RSRC1: variants seen among roughly 807,000 people sequenced by gnomAD.
RSRC1 encodes serine/Arginine-related protein 53.
In RSRC1, 39 loss-of-function variants were observed where a neutral mutation model predicts 49.1. That is an observed-to-expected ratio of 0.79 (90% confidence interval 0.61 to 1.04). The LOEUF is 1.04. Ranked by LOEUF, RSRC1 falls within the 50% of genes least tolerant of loss-of-function variation. The pLI is 0.00. For synonymous variants in RSRC1, 143 were observed against 130.8 expected, an observed-to-expected ratio of 1.09 and a Z score of -0.63; for missense variants, 388 against 402.4, an observed-to-expected ratio of 0.96 and a Z score of 0.31.
chr3:158,512,704 G>T (rs9653954), intron 7 of RSRC1, among the ~76,000 whole-genome samples: 1 of 146,642 alleles, frequency 6.8e-6, no homozygotes, highest in African/African-American at 2.5e-5. Context: ...ATTACCTTGG[G>T]CAGTATGGCC....
chr3:158,200,254 G>A (rs374201015), intron 3 of RSRC1, among the ~76,000 whole-genome samples: 1 of 152,040 alleles, frequency 6.6e-6, no homozygotes, highest in Admixed American at 6.6e-5. Context: ...TAGCCCGGAT[G>A]GTCTCGATCT....
At chr3:158,281,196 G>T (rs1726142329) in intron 4 of RSRC1, among the ~76,000 whole-genome samples, 1 of 152,022 alleles carries the variant, frequency 6.6e-6, no homozygotes, top group South Asian at 2.1e-4. Flanking sequence ...AAAGTGAAGT[G>T]GTTGATTCCC....
intron 6 of RSRC1, among the ~76,000 whole-genome samples, chr3:158,367,012 GA>G (rs1426890211): frequency 6.6e-6 from 1 of 152,186 alleles, no homozygotes; most frequent in Non-Finnish European, 1.5e-5. Context: ...AGACTTTGCT[GA>G]AGTTGTTTAT....
chr3:158,467,431 A>G (rs73172124), intron 7 of RSRC1, among the ~76,000 whole-genome samples: 1,856 of 152,346 alleles, frequency 0.012, 26 homozygotes, highest in Non-Finnish European at 0.02. Context: ...TAAGTATGAT[A>G]ATAATCTATC....
At chr3:158,466,992 G>A (rs1378178507) in intron 7 of RSRC1, among the ~76,000 whole-genome samples, 2 of 152,140 alleles carry the variant, frequency 1.3e-5, no homozygotes, top group South Asian at 2.1e-4. Context: ...CCAGAAGTTC[G>A]AGGTTCCATT....
chr3:158,494,258 A>T (rs1429532292), intron 7 of RSRC1, among the ~76,000 whole-genome samples: 1 of 152,222 alleles, frequency 6.6e-6, no homozygotes, highest in African/African-American at 2.4e-5. Context: ...CTCTGTAGGC[A>T]TTCATAATGC....
chr3:158,296,648 ATAG>A (rs1388380166), intron 4 of RSRC1, among the ~76,000 whole-genome samples: 42 of 152,152 alleles, frequency 2.8e-4, no homozygotes, highest in Non-Finnish European at 4.6e-4. Context: ...ATTTATATAG[ATAG>A]TAGCCTTCTC....
intron 6 of RSRC1, among the ~76,000 whole-genome samples, chr3:158,387,432 T>C (rs758813337): frequency 1.3e-5 from 2 of 152,134 alleles, no homozygotes; most frequent in Non-Finnish European, 2.9e-5. Flanking sequence ...ATCAGTCAAA[T>C]AATAGTGGTA....
chr3:158,129,937 T>C (rs907812780), intron 3 of RSRC1, among the ~76,000 whole-genome samples: 3 of 152,242 alleles, frequency 2.0e-5, no homozygotes, highest in Non-Finnish European at 4.4e-5. Context: ...TGCTTTTCTT[T>C]AGTTTCTCCA....
chr3:158,165,061 A>G (rs1267712763), intron 3 of RSRC1, among the ~76,000 whole-genome samples: 1 of 152,160 alleles, frequency 6.6e-6, no homozygotes, highest in East Asian at 1.9e-4. Context: ...TGCAACCAAA[A>G]TGGCCTCACC....
chr3:158,449,740 T>C (rs1175116178), intron 6 of RSRC1, among the ~76,000 whole-genome samples: 1 of 152,044 alleles, frequency 6.6e-6, no homozygotes, highest in African/African-American at 2.4e-5. Flanking sequence ...TTCTGAGACT[T>C]GACTGCACTG....
chr3:158,157,551 G>C (rs1243443642), intron 3 of RSRC1, among the ~76,000 whole-genome samples: 1 of 152,146 alleles, frequency 6.6e-6, no homozygotes, highest in African/African-American at 2.4e-5. Flanking sequence ...AACTGGATTG[G>C]ATCAGAATAG....
At chr3:158,166,716 A>G (rs920253894) in intron 3 of RSRC1, among the ~76,000 whole-genome samples, 25 of 152,290 alleles carry the variant, frequency 1.6e-4, no homozygotes, top group African/African-American at 4.1e-4. Context: ...ACTTTAGTCT[A>G]TTGTTTCAGT....
Position 158,203,134 on chromosome 3 carries a change from G to T in RSRC1, c.383G>T (p.Arg128Ile). The change falls in exon 4 of 10, where the codon AGA becomes ATA. Residue 128 changes from arginine to isoleucine, a missense_variant. Arg to Ile is a moderately conservative substitution (Grantham distance 97). Coordinates refer to ENST00000611884, the MANE Select transcript of RSRC1 (RefSeq NM_001271838.2). ...AGCAGTGAAAGGTCCAGTCACAGAA[G>T]AACGCGTAGTCGGTCTCGGGATAGA... ...SRSSERSSHR[R>I]TRSRSRDRER... The T allele has an allele frequency of 6.2e-7, 1 of 1,613,826 alleles. No individual in the cohort carries two copies. The highest frequency in any genetic ancestry group is 8.5e-7 in the Non-Finnish European group (1 of 1,179,872).
chr3:158,391,178 G>T lies in RSRC1; in HGVS notation c.583+36270G>T, dbSNP rs12634966. Among the ~76,000 whole-genome samples the T allele has an allele frequency of 2.4e-4, 36 of 152,032 alleles. No homozygotes were observed. The South Asian group carries it at 6.2e-3, about 26-fold the overall frequency. ...TTTATTCTCCACACCCCCACCCTGG[G>T]GTTCTATCTTCCATAATTTTTGGTT... On this transcript the variant is annotated intron_variant, in intron 6 of 9. Coordinates refer to ENST00000611884, the MANE Select transcript of RSRC1 (RefSeq NM_001271838.2).
In RSRC1 at chr3:158,522,080, G is replaced by T. The variant is rs151150931; in HGVS notation, c.653-15012G>T. ...GTTTGCTACTCTTTTTTTTCTTGAA[G>T]TAGAATTTTTTAAATGAAATAATTA... On this transcript the variant is annotated intron_variant, in intron 7 of 9. Coordinates refer to ENST00000611884, the MANE Select transcript of RSRC1 (RefSeq NM_001271838.2). Among the ~76,000 whole-genome samples, 133 of 151,998 alleles carry T rather than the reference G, an allele frequency of 8.8e-4. 1 individual carries two copies. The East Asian group carries it at 0.025, about 29-fold the overall frequency.
At chr3:158,489,369 T>C (rs1738970504) in intron 7 of RSRC1, among the ~76,000 whole-genome samples, 1 of 152,208 alleles carries the variant, frequency 6.6e-6, no homozygotes, top group African/African-American at 2.4e-5. Flanking sequence ...CATGTGCTGC[T>C]TCATTAGGCT....
At chr3:158,477,318 C>T (rs1477134307) in intron 7 of RSRC1, among the ~76,000 whole-genome samples, 2 of 152,118 alleles carry the variant, frequency 1.3e-5, no homozygotes, top group African/African-American at 4.8e-5. Flanking sequence ...TATCCAACAG[C>T]ATCACATGCT....
At chr3:158,419,906 A>C (rs964629959) in intron 6 of RSRC1, among the ~76,000 whole-genome samples, 2 of 151,686 alleles carry the variant, frequency 1.3e-5, no homozygotes, top group Non-Finnish European at 2.9e-5. Context: ...CTTTTCCTAC[A>C]TTAACAGTCC....
Sources: allele counts gnomAD v4.1 joint callset (sites outside exome capture counted in the v4.1 genomes callset), GRCh38; gene constraint gnomAD v4.1.1; transcripts MANE v1.5; gene names NCBI Gene and HGNC (gene_info 2026-07-23, HGNC 2026-07-21).